PDE4B: variants seen among roughly 807,000 people sequenced by gnomAD.
PDE4B encodes the protein phosphodiesterase 4B.
A neutral mutation model predicts 82.2 loss-of-function variants in PDE4B; 20 were observed. The ratio of observed to expected loss-of-function variants is 0.24; its 90% CI spans 0.17 to 0.35. PDE4B has a LOEUF of 0.35. PDE4B is among the 10% of genes least tolerant of loss of function. The pLI, the probability that PDE4B is intolerant of heterozygous loss-of-function variation, is 1.00. For missense variants in PDE4B, 655 were observed against 907.2 expected, an observed-to-expected ratio of 0.72 and a Z score of 3.57; for synonymous variants, 320 against 318.9, an observed-to-expected ratio of 1.00 and a Z score of -0.04.
intron 3 of PDE4B, among the ~76,000 whole-genome samples, chr1:66,067,107 G>A (rs1398015554): frequency 6.6e-6 from 1 of 152,036 alleles, no homozygotes; most frequent in Non-Finnish European, 1.5e-5. Context: ...ATTTGGGTTG[G>A]TTCCAAGTCT....
At chr1:65,889,271 C>T (rs1034407968) in intron 1 of PDE4B, among the ~76,000 whole-genome samples, 1 of 152,002 alleles carries the variant, frequency 6.6e-6, no homozygotes, top group African/African-American at 2.4e-5. Context: ...CTTTGCATTC[C>T]TGGGATAAAT....
At chr1:66,024,126 G>T (rs536561712) in intron 3 of PDE4B, among the ~76,000 whole-genome samples, 8 of 152,166 alleles carry the variant, frequency 5.3e-5, no homozygotes, top group African/African-American at 1.9e-4. Context: ...GTCCATACAA[G>T]TATCCTCCAT....
chr1:66,162,654 A>C (rs1187575672), intron 3 of PDE4B, among the ~76,000 whole-genome samples: 1 of 152,070 alleles, frequency 6.6e-6, no homozygotes, highest in Admixed American at 6.6e-5. Flanking sequence ...GAGCATGCCA[A>C]ATTTAAAAAT....
intron 1 of PDE4B, among the ~76,000 whole-genome samples, chr1:65,846,326 G>C (rs1244543380): frequency 1.3e-5 from 2 of 152,306 alleles, no homozygotes; most frequent in Admixed American, 1.3e-4. Context: ...AACTTCACTA[G>C]ACTGGGTTAA....
At chr1:65,821,372 T>A (rs961961295) in intron 1 of PDE4B, among the ~76,000 whole-genome samples, 4 of 152,244 alleles carry the variant, frequency 2.6e-5, no homozygotes, top group African/African-American at 7.2e-5. Flanking sequence ...TGTTATGATT[T>A]ATTCAATATT....
rs550516902 is a variant in PDE4B at position 65,873,998 on chromosome 1, T to G, written c.-70-39247T>G. Among the ~76,000 whole-genome samples the G allele has an allele frequency of 3.3e-5, 5 of 151,184 alleles. No individual in the cohort carries two copies. The South Asian group carries it at 8.4e-4, about 25-fold the overall frequency. On this transcript the variant is annotated intron_variant, in intron 1 of 16. Transcript: ENST00000341517. ...TGGGGATGGCATTGAATCTGTAAAT[T>G]ACCTTGGGCAGTATGGCCATTTTCA...
At chr1:66,287,135 C>T (rs1024492477) in intron 7 of PDE4B, among the ~76,000 whole-genome samples, 1 of 152,136 alleles carries the variant, frequency 6.6e-6, no homozygotes, top group Non-Finnish European at 1.5e-5. Context: ...TACATATTAA[C>T]TAACAATTAA....
At chr1:65,972,871 G>C (rs1179004774) in intron 3 of PDE4B, among the ~76,000 whole-genome samples, 2 of 152,144 alleles carry the variant, frequency 1.3e-5, no homozygotes, top group African/African-American at 2.4e-5. Flanking sequence ...TCAAATGTTT[G>C]TTGAATGCTA....
intron 3 of PDE4B, among the ~76,000 whole-genome samples, chr1:65,985,876 C>A (rs1034218056): frequency 6.6e-6 from 1 of 152,142 alleles, no homozygotes; most frequent in Non-Finnish European, 1.5e-5. Flanking sequence ...TACCAGTCTG[C>A]CACCTAATGA....
chr1:66,210,528 G>A (rs770796287), intron 3 of PDE4B, among the ~76,000 whole-genome samples: 4 of 137,704 alleles, frequency 2.9e-5, no homozygotes, highest in African/African-American at 8.1e-5. Context: ...CCCGGGAAGC[G>A]TAGGTTGCAG....
chr1:65,927,256 G>A (rs1339681563), intron 3 of PDE4B, among the ~76,000 whole-genome samples: 1 of 151,458 alleles, frequency 6.6e-6, no homozygotes, highest in Non-Finnish European at 1.5e-5. Flanking sequence ...AAACATAACT[G>A]TTTCAAGCAA....
intron 1 of PDE4B, among the ~76,000 whole-genome samples, chr1:65,887,171 C>A (rs1646788705): frequency 7.9e-6 from 1 of 127,152 alleles, no homozygotes; most frequent in Admixed American, 8.2e-5. Flanking sequence ...TCCTTCCTTC[C>A]CTCCCTCCCT....
chr1:65,834,466 A>G (rs749284938), intron 1 of PDE4B, among the ~76,000 whole-genome samples: 1 of 152,206 alleles, frequency 6.6e-6, no homozygotes, highest in Non-Finnish European at 1.5e-5. Context: ...TTTATACCTT[A>G]TATGAAGGAT....
At chr1:66,279,860 C>A (rs1017732465) in intron 7 of PDE4B, among the ~76,000 whole-genome samples, 1 of 152,156 alleles carries the variant, frequency 6.6e-6, no homozygotes, top group African/African-American at 2.4e-5. Context: ...ACAAGGCCCA[C>A]CAACATCATC....
chr1:66,105,991 T>G (rs896100917), intron 3 of PDE4B, among the ~76,000 whole-genome samples: 1 of 152,030 alleles, frequency 6.6e-6, no homozygotes, highest in Non-Finnish European at 1.5e-5. Context: ...ATAGGAGTGG[T>G]GAGAGAGGGC....
At chr1:65,941,993 C>A (rs1648470852) in intron 3 of PDE4B, among the ~76,000 whole-genome samples, 1 of 152,060 alleles carries the variant, frequency 6.6e-6, no homozygotes, top group Non-Finnish European at 1.5e-5. Flanking sequence ...CTACCCATAC[C>A]CAAAACACTA....
chr1:66,100,928 C>A (rs957926653), intron 3 of PDE4B, among the ~76,000 whole-genome samples: 1 of 151,986 alleles, frequency 6.6e-6, no homozygotes, highest in South Asian at 2.1e-4. Context: ...GTGTGTTGTA[C>A]CCATTAACTC....
chr1:66,291,694 A>G (rs534044391), intron 7 of PDE4B, among the ~76,000 whole-genome samples: 2 of 152,312 alleles, frequency 1.3e-5, no homozygotes, highest in South Asian at 4.1e-4. Flanking sequence ...GTGCTGACAC[A>G]TGTGACAGCA....
At chr1:66,167,423 A>G (rs1460708800) in intron 3 of PDE4B, among the ~76,000 whole-genome samples, 1 of 152,220 alleles carries the variant, frequency 6.6e-6, no homozygotes, top group Admixed American at 6.5e-5. Context: ...ACTTTAAGTG[A>G]AAGAACCCAT....
Sources: allele counts gnomAD v4.1 joint callset (sites outside exome capture counted in the v4.1 genomes callset), GRCh38; gene constraint gnomAD v4.1.1; transcripts MANE v1.5; gene names NCBI Gene and HGNC (gene_info 2026-07-23, HGNC 2026-07-21).